SNAPC4: variants seen among roughly 807,000 people sequenced by gnomAD.
SNAPC4 encodes the protein small nuclear RNA activating complex polypeptide 4.
In SNAPC4, 127 loss-of-function variants were observed where a neutral mutation model predicts 151.3. That is an observed-to-expected ratio of 0.84 (90% CI 0.73 to 0.97). The LOEUF is 0.97. Among genes scored for constraint, SNAPC4 ranks in the 50% least tolerant of loss-of-function variants. SNAPC4 has a pLI of 0.00. For missense variants in SNAPC4, 2,186 were observed against 1,935.0 expected (o/e 1.13, Z -2.43); for synonymous variants, 1,002 against 824.4 (o/e 1.22, Z -3.69).
chr9:136,395,129 G>A (rs1364486101), intron 5 of SNAPC4, among the ~76,000 whole-genome samples, 169 bp downstream of exon 5: 2 of 152,240 alleles, frequency 1.3e-5, no homozygotes, highest in South Asian at 2.1e-4. Flanking sequence ...GCAGCCCAGC[G>A]CAGAGCAGAG....
Position 136,379,319 on chromosome 9 carries a change from A to C in SNAPC4, c.2528-20T>G. 6.2e-7 allele frequency: 1 copy of C among 1,611,752 alleles called. No individual in the cohort carries two copies. The highest frequency in any genetic ancestry group is 8.5e-7 in the Non-Finnish European group (1 of 1,179,658). On this transcript the variant is annotated intron_variant, in intron 21 of 23. Coordinates refer to ENST00000684778, the MANE Select transcript of SNAPC4 (RefSeq NM_003086.4). ...GGTGGCCTGTGGGGAGGAAAGACCC[A>C]CACTTGATAAGCCCCAGGCATCTGG...
rs971418173 is a variant in SNAPC4 at position 136,382,160 on chromosome 9, C to A, written c.2068-87G>T. 1.9e-6 allele frequency: 3 copies of A among 1,577,374 alleles called. No individual in the cohort carries two copies. In the East Asian group the frequency reaches 6.9e-5, roughly 36 times the overall value. ...CCCAGTGGCCAGTGCTGCCCTCCAC[C>A]CCCATCAGGGCATGATCGACGGGGA... On this transcript the variant is annotated intron_variant, in intron 17 of 23. Coordinates refer to ENST00000684778, the MANE Select transcript of SNAPC4 (RefSeq NM_003086.4).
At chr9:136,389,056 T>G (rs1188986475) in intron 10 of SNAPC4, among the ~76,000 whole-genome samples, 1 of 152,128 alleles carries the variant, frequency 6.6e-6, no homozygotes, top group African/African-American at 2.4e-5. Context: ...GGGACAGCCC[T>G]TGGTTTGGTG....
At position 136,383,639 on chromosome 9, in the gene SNAPC4, C is replaced by T. The variant is rs1330803638; in HGVS notation, c.1530G>A (p.Arg510=). 6.2e-7 allele frequency: 1 copy of T among 1,609,154 alleles called. No homozygotes were observed. Residue 510 remains arginine (R), a synonymous_variant, in exon 16 of 24, where the codon CGG becomes CGA. Coordinates refer to ENST00000684778, the MANE Select transcript of SNAPC4 (RefSeq NM_003086.4). The surrounding 1 kb of genome is among the most constrained non-coding windows in gnomAD (Gnocchi z 4.2). The part of the protein sequence containing the change: ...GKKQGLRRRR[R]RARHSVRWSS... ...TCCACCGGACGCTGTGACGGGCCCT[C>T]CGCCGCCGCCTCCGGAGACCCTGCT... is the stretch of plus-strand genomic sequence containing the variant.
At chr9:136,379,639 G>T (rs1459064094) in intron 21 of SNAPC4, among the ~76,000 whole-genome samples, 198 bp downstream of exon 21, 1 of 152,206 alleles carries the variant, frequency 6.6e-6, no homozygotes, top group Non-Finnish European at 1.5e-5. Context: ...CCTTAGGGCT[G>T]CAAGGGGAGC....
intron 9 of SNAPC4, 130 bp downstream of exon 9, chr9:136,392,392 G>C (rs10747031): frequency 0.34 from 320,561 of 945,424 alleles, 58,423 homozygotes; most frequent in Non-Finnish European, 0.38. Flanking sequence ...GCTTGACCCG[G>C]GTGGGTGGGG....
At chr9:136,395,941 G>T (rs567246283) in intron 3 of SNAPC4, among the ~76,000 whole-genome samples, 171 bp from the exon 4 acceptor site, 7 of 152,250 alleles carry the variant, frequency 4.6e-5, no homozygotes, top group Non-Finnish European at 8.8e-5. Flanking sequence ...GGGCGTCTGA[G>T]TTTGGGAGTG....
chr9:136,380,622 G>A lies in SNAPC4; in HGVS notation c.2499+118C>T, dbSNP rs1833652509. ...GTCCCCTCAGGTGGGAAGTGCAGAT[G>A]CCTCCCTGAGGGGCTGCGGTGGAGC... On this transcript the variant is annotated intron_variant, in intron 20 of 23. Coordinates refer to ENST00000684778, the MANE Select transcript of SNAPC4 (RefSeq NM_003086.4). 4.9e-5 allele frequency: 31 copies of A among 631,900 alleles called. 2 individuals are homozygous for A. In the South Asian group the frequency reaches 5.4e-4, roughly 11 times the overall value. The allele number at this position is 631,900 out of a possible 1,614,324, so 39.1% of individuals were successfully genotyped here. A position where few individuals can be genotyped will look rare whatever the true frequency, so the allele number is the denominator to read the frequency against.
In SNAPC4 at chr9:136,380,726, C is replaced by T. The variant is rs762717229; in HGVS notation, c.2499+14G>A. On this transcript the variant is annotated intron_variant, in intron 20 of 23. Coordinates refer to ENST00000684778, the MANE Select transcript of SNAPC4 (RefSeq NM_003086.4). ...CAGTGGCCATCCTCACTTCTCACCC[C>T]AAGTGCCTGCTACCTGCAGAAGATG... The T allele has an allele frequency of 7.5e-6, 11 of 1,475,544 alleles. No individual in the cohort carries two copies. The highest frequency in any genetic ancestry group is 9.5e-6 in the Non-Finnish European group (10 of 1,055,490). 91.4% of individuals were successfully genotyped at this position (1,475,544 alleles called of 1,614,324 possible). A position where few individuals can be genotyped will look rare whatever the true frequency, so the allele number is the denominator to read the frequency against.
chr9:136,385,554 T>TG, intron 13 of SNAPC4, among the ~76,000 whole-genome samples: 1 of 144,738 alleles, frequency 6.9e-6, no homozygotes. Flanking sequence ...AGAATCCCAC[T>TG]CCCCCCCCTT....
At chr9:136,387,323 G>A (rs1477550337) in intron 13 of SNAPC4, among the ~76,000 whole-genome samples, 162 bp downstream of exon 13, 1 of 152,114 alleles carries the variant, frequency 6.6e-6, no homozygotes, top group Non-Finnish European at 1.5e-5. Context: ...GCAAGCAAGC[G>A]CCCACAGCCC....
At position 136,377,514 on chromosome 9, in the gene SNAPC4, G is replaced by A. The variant is rs369248890; in HGVS notation, c.4284+29C>T. 1.7e-5 allele frequency: 26 copies of A among 1,499,762 alleles called. No individual in the cohort carries two copies. The African/African-American group carries it at 3.6e-4, about 21-fold the overall frequency. 92.9% of individuals were successfully genotyped at this position (1,499,762 alleles called of 1,614,324 possible). On this transcript the variant is annotated intron_variant, in intron 22 of 23. Coordinates refer to ENST00000684778, the MANE Select transcript of SNAPC4 (RefSeq NM_003086.4). ...CACCCCAGGGACCGCCGCCTGCCAT[G>A]GGGAAGTGGGGCTGGGCGCCCACCC...
rs538103543 is a variant in SNAPC4 at position 136,378,164 on chromosome 9, C to T, written c.3663G>A (p.Thr1221=). The T allele has an allele frequency of 2.5e-5, 41 of 1,610,856 alleles. No homozygotes were observed. Among genetic ancestry groups the T allele is most frequent in the South Asian group, 7.7e-5 (7 of 90,784 alleles). Residue 1221 remains threonine (T), a synonymous_variant, in exon 22 of 24, where the codon ACG becomes ACA. Coordinates refer to ENST00000684778, the MANE Select transcript of SNAPC4 (RefSeq NM_003086.4). ...CCTGTGTCCCTGAGGGGGACCCCGG[C>T]GTCCCCCTTGGCTCAGTTGCTGGGA... ...GVIPATEPRG[T]PGSPSGTQEP...
chr9:136,386,479 G>C (rs955892847), intron 13 of SNAPC4, among the ~76,000 whole-genome samples: 1 of 147,650 alleles, frequency 6.8e-6, no homozygotes, highest in East Asian at 2.0e-4. Flanking sequence ...TCGTCGCCCA[G>C]GCTAGAGTGC....
At position 136,378,017 on chromosome 9, in the gene SNAPC4, G is replaced by A. The variant is rs1384478429; in HGVS notation, c.3810C>T (p.Asp1270=). ...PQPGPEKGAL[D]LGLLSQEGEA... Reference sequence around the variant, plus strand: ...CGCCCTCCTGGGACAGCAGGCCCAGGTCCAGGGCCCCCTTCTCAGGCCCAG... The same window carrying A: ...CGCCCTCCTGGGACAGCAGGCCCAGATCCAGGGCCCCCTTCTCAGGCCCAG... The change falls in exon 22 of 24, where the codon GAC becomes GAT. Residue 1270 remains aspartate (D), a synonymous_variant. Coordinates refer to ENST00000684778, the MANE Select transcript of SNAPC4 (RefSeq NM_003086.4). The A allele has an allele frequency of 5.0e-6, 8 of 1,593,806 alleles. No homozygotes were observed. Among genetic ancestry groups the A allele is most frequent in the Non-Finnish European group, 6.8e-6 (8 of 1,171,094 alleles).
rs113898987 is a variant in SNAPC4, at chr9:136,382,327, G to A, written c.1993C>T (p.Arg665Cys). The A allele has an allele frequency of 4.5e-4, 720 of 1,613,052 alleles. 1 individual carries two copies. In the African/African-American group the frequency reaches 7.6e-3, roughly 17 times the overall value. Residue 665 changes from arginine (R) to cysteine (C), a missense_variant, in exon 17 of 24, where the codon CGT becomes TGT. Arg to Cys is a radical substitution (Grantham distance 180, BLOSUM62 -3). Coordinates refer to ENST00000684778, the MANE Select transcript of SNAPC4 (RefSeq NM_003086.4). The part of the protein sequence containing the change: ...AEKQALEGGR[R>C]LLTVPVETVL... ...GTCTCCACAGGCACTGTCAGCAGAC[G>A]CCTCCCACCCTGATGAGAAAGCTGC... is the stretch of plus-strand genomic sequence containing the variant.
At position 136,378,384 on chromosome 9, in the gene SNAPC4, C is replaced by A; in HGVS notation, c.3443G>T (p.Cys1148Phe). The change falls in exon 22 of 24, where the codon TGC (cysteine) becomes TTC (phenylalanine). Residue 1148 changes from cysteine (C) to phenylalanine (F), a missense_variant. Transcript: ENST00000684778. Reference sequence around the variant, plus strand: ...GGGAGGAGCTGGGGTGTCTGTCCTGCAGGAAGGCTCCGGTTCCCTGTTCAT... The same window carrying A: ...GGGAGGAGCTGGGGTGTCTGTCCTGAAGGAAGGCTCCGGTTCCCTGTTCAT... ...ANMNREPEPS[C>F]RTDTPAPPTH... The A allele has an allele frequency of 6.2e-7, 1 of 1,610,804 alleles. No homozygotes were observed. The highest frequency in any genetic ancestry group is 8.5e-7 in the Non-Finnish European group (1 of 1,179,500).
chr9:136,391,919 T>C (rs1263477292), intron 10 of SNAPC4, 23 bp downstream of exon 10: 16 of 1,595,784 alleles, frequency 1.0e-5, no homozygotes, highest in Non-Finnish European at 1.4e-5. Flanking sequence ...TCCTGGCCCC[T>C]GGGGTCCAGG....
chr9:136,387,834 C>T lies in SNAPC4; in HGVS notation c.1138G>A (p.Glu380Lys). 1.9e-6 allele frequency: 3 copies of T among 1,600,528 alleles called. No individual in the cohort carries two copies. Among genetic ancestry groups the T allele is most frequent in the Non-Finnish European group, 2.6e-6 (3 of 1,167,926 alleles). ...ATCAGCTGCATGGAGTCTCTCCCTT[C>T]CATATAGTAGACAACTAGGGACAGA... Reference protein sequence around the residue: ...IPYRRIVYYMEGRDSMQLIYR... With the variant: ...IPYRRIVYYMKGRDSMQLIYR... The change falls in exon 12 of 24, where the codon GAA becomes AAA. Residue 380 changes from glutamate to lysine, a missense_variant. Glu to Lys is a moderately conservative substitution (Grantham distance 56). Transcript: ENST00000684778.
Sources: gnomAD v4.1 joint callset for allele counts (sites outside exome capture counted in the v4.1 genomes callset) on GRCh38, gnomAD v4.1.1 for gene constraint, Gnocchi (gnomAD v3.1) non-coding constraint, MANE v1.5 for transcripts, NCBI Gene and HGNC (gene_info 2026-07-23, HGNC 2026-07-21) for gene names.